LRRK1: variants seen among roughly 807,000 people sequenced by gnomAD.
LRRK1 encodes leucine rich repeat kinase 1, also known as leucine-rich repeat serine/threonine-protein kinase 1.
In LRRK1, 113 loss-of-function variants were observed where a neutral mutation model predicts 209.1. The ratio of observed to expected loss-of-function variants is 0.54; its 90% confidence interval spans 0.46 to 0.63. LRRK1 has a LOEUF of 0.63. Ranked by LOEUF, LRRK1 falls within the 30% of genes least tolerant of loss-of-function variation. The probability of loss-of-function intolerance (pLI) is 0.00; values close to 1 mark genes in which losing one functional copy is unlikely to be tolerated. For missense variants in LRRK1, 2,284 were observed against 2,632.2 expected (o/e 0.87, Z 2.89); for synonymous variants, 1,144 against 1,099.7 (o/e 1.04, Z -0.80).
intron 20 of LRRK1, among the ~76,000 whole-genome samples, chr15:101,035,921 G>A (rs74473392): frequency 6.6e-6 from 1 of 152,102 alleles, no homozygotes; most frequent in African/African-American, 2.4e-5. Flanking sequence ...TTCTTATAGG[G>A]CCAGTCTATT....
intron 3 of LRRK1, among the ~76,000 whole-genome samples, chr15:100,977,111 G>C (rs1272775666): frequency 6.6e-6 from 1 of 151,094 alleles, no homozygotes; most frequent in East Asian, 1.9e-4. Flanking sequence ...TACGTTTTTG[G>C]GTTTTATTTG....
Position 101,048,485 on chromosome 15 carries a change from G to GTCTT in LRRK1, c.3136-6_3136-3dup, listed in dbSNP as rs2141126130. 1 of 1,602,802 alleles carries GTCTT rather than the reference G, an allele frequency of 6.2e-7. No individual in the cohort carries two copies. The highest frequency in any genetic ancestry group is 8.5e-7 in the Non-Finnish European group (1 of 1,176,472). ...AATACTTAAGCAGGGTCTTTTCTCT[G>GTCTT]TCTTTCAGCTTTTTGAAAACAAGAA... On this transcript the variant is annotated splice_polypyrimidine_tract_variant and intron_variant, in intron 21 of 33. Coordinates refer to ENST00000388948, the MANE Select transcript of LRRK1 (RefSeq NM_024652.6).
intron 12 of LRRK1, among the ~76,000 whole-genome samples, chr15:101,018,721 C>T (rs1166195430): frequency 2.0e-5 from 3 of 152,204 alleles, no homozygotes; most frequent in East Asian, 1.9e-4. Context: ...GAGGGGGCCG[C>T]GCCCCTGGGA....
intron 4 of LRRK1, among the ~76,000 whole-genome samples, chr15:100,986,932 T>C (rs1220081313): frequency 1.3e-5 from 2 of 152,190 alleles, no homozygotes; most frequent in South Asian, 4.1e-4. Context: ...TCTCTGAGCT[T>C]TGGTTTCCTC....
rs1002956182 is a variant in LRRK1, at chr15:101,024,317, G to A, written c.2068-486G>A. On this transcript the variant is annotated intron_variant, in intron 15 of 33. Coordinates refer to ENST00000388948, the MANE Select transcript of LRRK1 (RefSeq NM_024652.6). The surrounding 1 kb of genome is among the most constrained non-coding windows in gnomAD (Gnocchi z 4.6). ...AACCACCGTTTACACAGCCGTTCCC[G>A]GCAGCCCAACAGCTCATCTTTTGTT... Among the ~76,000 whole-genome samples the A allele has an allele frequency of 1.3e-5, 2 of 152,200 alleles. No homozygotes were observed. Among genetic ancestry groups the A allele is most frequent in the Non-Finnish European group, 2.9e-5 (2 of 68,032 alleles).
At chr15:100,988,925 G>A (rs2032016182) in intron 5 of LRRK1, 112 bp downstream of exon 5, 2 of 887,758 alleles carry the variant, frequency 2.3e-6, no homozygotes. Context: ...CCTCTGTGAG[G>A]AGACTTTTGC....
At position 100,973,786 on chromosome 15, in the gene LRRK1, G is replaced by A; in HGVS notation, c.98-18G>A. The A allele has an allele frequency of 5.5e-6, 7 of 1,276,950 alleles. No homozygotes were observed. Among genetic ancestry groups the A allele is most frequent in the South Asian group, 2.6e-5 (1 of 38,974 alleles). 79.1% of individuals were successfully genotyped at this position (1,276,950 alleles called of 1,614,324 possible). A position where few individuals can be genotyped will look rare whatever the true frequency, so the allele number is the denominator to read the frequency against. On this transcript the variant is annotated intron_variant, in intron 2 of 33. Coordinates refer to ENST00000388948, the MANE Select transcript of LRRK1 (RefSeq NM_024652.6). ...CAGTGGGCGGTGACGCCGTGTGTGT[G>A]TGCTTCCTCCCGCGCAGGTGCCGGG...
At chr15:100,962,550 T>G (rs1189601386) in intron 2 of LRRK1, among the ~76,000 whole-genome samples, 1 of 151,524 alleles carries the variant, frequency 6.6e-6, no homozygotes, top group African/African-American at 2.4e-5. Flanking sequence ...ATAAATAAAA[T>G]TTTAAAACTC....
At chr15:100,926,842 G>A (rs374133272) in intron 2 of LRRK1, among the ~76,000 whole-genome samples, 16 of 151,764 alleles carry the variant, frequency 1.1e-4, no homozygotes, top group African/African-American at 2.4e-4. Flanking sequence ...GCGCCACCAC[G>A]CCCAGCTAAT....
intron 2 of LRRK1, among the ~76,000 whole-genome samples, chr15:100,943,974 G>A (rs2042491943): frequency 6.6e-6 from 1 of 152,058 alleles, no homozygotes; most frequent in Non-Finnish European, 1.5e-5. Context: ...CACCACACCC[G>A]GTCGTGATCC....
At chr15:101,041,713 T>C (rs2034765097) in intron 20 of LRRK1, among the ~76,000 whole-genome samples, 1 of 152,206 alleles carries the variant, frequency 6.6e-6, no homozygotes. Flanking sequence ...GTAGTCCCCC[T>C]TATCCACAGC....
At chr15:101,001,691 C>T (rs866866064) in intron 6 of LRRK1, among the ~76,000 whole-genome samples, 4 of 152,128 alleles carry the variant, frequency 2.6e-5, no homozygotes, top group Admixed American at 6.5e-5. Context: ...CCCATTGTAA[C>T]GTGTGTCTTC....
At chr15:100,962,808 T>TATATATATATAC (rs1318948045) in intron 2 of LRRK1, among the ~76,000 whole-genome samples, 1 of 28,698 alleles carries the variant, frequency 3.5e-5, no homozygotes, top group African/African-American at 1.1e-4. Flanking sequence ...TATATATATA[T>TATATATATATAC]ATATATATAT....
chr15:101,029,347 C>CT, intron 20 of LRRK1, 115 bp downstream of exon 20: 1 of 1,085,566 alleles, frequency 9.2e-7, no homozygotes, highest in Non-Finnish European at 1.3e-6. Context: ...GCTGCCACTG[C>CT]TGCCCCCTAC....
At chr15:100,925,863 T>C (rs2042100608) in intron 2 of LRRK1, among the ~76,000 whole-genome samples, 1 of 152,242 alleles carries the variant, frequency 6.6e-6, no homozygotes, top group Non-Finnish European at 1.5e-5. Context: ...ATCTGAACCC[T>C]GTCTTAATGC....
Position 101,077,343 on chromosome 15 carries a change from CTT to C in LRRK1, c.*8496_*8497del, listed in dbSNP as rs2037020801. 1 of 152,228 alleles carries C rather than the reference CTT, an allele frequency of 6.6e-6. No homozygotes were observed. The highest frequency in any genetic ancestry group is 6.5e-5 in the Admixed American group (1 of 15,276). The allele number at this position is 152,228 out of a possible 1,614,324, so 9.4% of individuals were successfully genotyped here. ...CTCAACTACTCATACGTGCCCTGCT[CTT>C]GTTTACACTGCCAGTTTACACTGTT... On this transcript the variant is annotated 3_prime_UTR_variant, in exon 34 of 34. Coordinates refer to ENST00000388948, the MANE Select transcript of LRRK1 (RefSeq NM_024652.6).
At chr15:100,989,836 T>G (rs2032059879) in intron 6 of LRRK1, among the ~76,000 whole-genome samples, 1 of 152,202 alleles carries the variant, frequency 6.6e-6, no homozygotes, top group Non-Finnish European at 1.5e-5. Context: ...CCAGAGTTTT[T>G]GTTTTTGTTT....
chr15:101,067,421 A>ATGTG (rs57333844), intron 33 of LRRK1: 13,422 of 296,628 alleles, frequency 0.045, 461 homozygotes, highest in East Asian at 0.19. Flanking sequence ...CTCAGTTCAA[A>ATGTG]TGTGTGTGTG....
At position 101,053,052 on chromosome 15, in the gene LRRK1, A is replaced by G; in HGVS notation, c.3820A>G (p.Ile1274Val). The G allele has an allele frequency of 1.2e-6, 2 of 1,612,156 alleles. No individual in the cohort carries two copies. Among genetic ancestry groups the G allele is most frequent in the Non-Finnish European group, 1.7e-6 (2 of 1,178,712 alleles). The change falls in exon 25 of 34, where the codon ATC becomes GTC. Residue 1274 changes from isoleucine to valine, a missense_variant. Transcript: ENST00000388948. ...GCCTGTGGCCGTCAAGCGCTTCCAC[A>G]TCAAAAAATTCAAGAACTTTGCTAA... ...GQPVAVKRFH[I>V]KKFKNFANVP...
Sources: allele counts gnomAD v4.1 joint callset (sites outside exome capture counted in the v4.1 genomes callset), GRCh38; gene constraint gnomAD v4.1.1; non-coding constraint Gnocchi (gnomAD v3.1); transcripts MANE v1.5; gene names NCBI Gene and HGNC (gene_info 2026-07-23, HGNC 2026-07-21).